The following PCDH7 variants were observed in gnomAD, a reference collection of about 807,000 sequenced individuals.
The protein encoded by PCDH7 is protocadherin-7.
PCDH7 carries 17 observed loss-of-function variants against 58.9 expected under a neutral mutation model. That is an observed-to-expected ratio of 0.29 (90% CI 0.20 to 0.43). PCDH7 has a LOEUF of 0.43. Ranked by LOEUF, PCDH7 falls within the 20% of genes least tolerant of loss-of-function variation. The probability of loss-of-function intolerance (pLI) is 1.00; values close to 1 mark genes in which losing one functional copy is unlikely to be tolerated. For synonymous variants in PCDH7, 664 were observed against 616.4 expected (o/e 1.08, Z -1.14); for missense variants, 1,274 against 1,441.0 (o/e 0.88, Z 1.88).
At chr4:30,731,238 A>C in exon 2 of PCDH7, 1 of 687,198 alleles carries the variant, frequency 1.5e-6, no homozygotes, top group Non-Finnish European at 1.8e-6. Context: ...CCATGTAATC[A>C]CAGGCCTGTC....
exon 2 of PCDH7, chr4:30,732,602 A>G (rs921804333): frequency 5.3e-5 from 8 of 152,174 alleles, no homozygotes; most frequent in African/African-American, 1.7e-4. Context: ...TACATCACCC[A>G]TAGTAAGAGT....
At chr4:31,052,286 T>A (rs760388852) in intron 3 of PCDH7, among the ~76,000 whole-genome samples, 9 of 152,128 alleles carry the variant, frequency 5.9e-5, no homozygotes, top group Non-Finnish European at 1.3e-4. Context: ...TGATACAGAA[T>A]TCTGTCCAGT....
intron 3 of PCDH7, among the ~76,000 whole-genome samples, chr4:30,988,165 C>A (rs556041635): frequency 1.3e-5 from 2 of 152,192 alleles, no homozygotes; most frequent in Admixed American, 1.3e-4. Context: ...AATATGAAAA[C>A]GTTAGACATC....
At chr4:30,825,199 C>T (rs894836245) in intron 1 of PCDH7, among the ~76,000 whole-genome samples, 25 of 152,082 alleles carry the variant, frequency 1.6e-4, no homozygotes, top group Admixed American at 1.6e-3. Flanking sequence ...AGTGCTTTGA[C>T]ATTGTTGAGT....
Position 30,722,207 on chromosome 4 carries a change from T to C in PCDH7, c.785T>C (p.Val262Ala). The C allele has an allele frequency of 1.3e-6, 2 of 1,585,202 alleles. No homozygotes were observed. Among genetic ancestry groups the C allele is most frequent in the Non-Finnish European group, 8.6e-7 (1 of 1,166,330 alleles). Reference sequence around the variant, plus strand: ...GGCGAGAAGCAGCCGCAGCTGATCGTGAAGGGGGCGCTGGACCGCGAGCAG... The same window carrying C: ...GGCGAGAAGCAGCCGCAGCTGATCGCGAAGGGGGCGCTGGACCGCGAGCAG... The change falls in exon 1 of 2, where the codon GTG becomes GCG. Residue 262 changes from valine (V) to alanine (A), a missense_variant. Physicochemically the swap from Val to Ala is moderately conservative, Grantham distance 64. Around this residue, in one of 3 missense-constraint regions of PCDH7, gnomAD observed 331 missense variants for 303.2 expected, o/e 1.09. Coordinates refer to ENST00000361762, the Ensembl canonical transcript of PCDH7. This position sits in a 1 kb window ranked among gnomAD's most constrained non-coding sequence, Gnocchi z 7.6.
intron 1 of PCDH7, among the ~76,000 whole-genome samples, chr4:30,892,418 A>G (rs1262435009): frequency 6.6e-6 from 1 of 152,050 alleles, no homozygotes; most frequent in Non-Finnish European, 1.5e-5. Context: ...AAAAGGAAGA[A>G]AGTTCAGAAG....
At chr4:30,991,081 C>T (rs1328895005) in intron 3 of PCDH7, among the ~76,000 whole-genome samples, 1 of 152,102 alleles carries the variant, frequency 6.6e-6, no homozygotes, top group African/African-American at 2.4e-5. Context: ...TCACGATACA[C>T]CGGGTTCTTT....
chr4:30,771,609 TA>T (rs1721409902), intron 1 of PCDH7, among the ~76,000 whole-genome samples: 2 of 152,318 alleles, frequency 1.3e-5, no homozygotes, highest in African/African-American at 4.8e-5. Flanking sequence ...ATGTGATTTT[TA>T]AATTTTGTTT....
At chr4:30,807,480 A>G (rs977778096) in intron 1 of PCDH7, among the ~76,000 whole-genome samples, 1 of 152,178 alleles carries the variant, frequency 6.6e-6, no homozygotes, top group Non-Finnish European at 1.5e-5. Context: ...TTACGGTGAC[A>G]GCAGTACGGA....
Position 30,958,520 on chromosome 4 carries a change from C to T in PCDH7, c.*7+8305C>T, listed in dbSNP as rs546673670. Among the ~76,000 whole-genome samples the T allele has an allele frequency of 2.7e-3, 407 of 151,830 alleles. 2 individuals carry two copies. Among genetic ancestry groups the T allele is most frequent in the African/African-American group, 9.3e-3 (384 of 41,468 alleles). On this transcript the variant is annotated intron_variant, in intron 3 of 3. Coordinates refer to the PCDH7 transcript ENST00000509759. ...ACATTAGAAAATAAAATATATTTCA[C>T]CTAATAAAACTCTTAACAATCCACT...
chr4:30,993,877 A>T (rs1005771434), intron 3 of PCDH7, among the ~76,000 whole-genome samples: 3 of 152,110 alleles, frequency 2.0e-5, no homozygotes, highest in Non-Finnish European at 4.4e-5. Flanking sequence ...TAGAAGAGAG[A>T]GTGTGTCTGT....
chr4:30,968,403 TATATATATATATGG>T (rs1458694756), intron 3 of PCDH7, among the ~76,000 whole-genome samples: 1,715 of 54,418 alleles, frequency 0.032, 89 homozygotes, highest in East Asian at 0.11. Flanking sequence ...TATATATATA[TATATATATATATGG>T]GATATTATGT....
chr4:31,090,838 C>T (rs1214287993), intron 3 of PCDH7, among the ~76,000 whole-genome samples: 1 of 151,916 alleles, frequency 6.6e-6, no homozygotes, highest in Non-Finnish European at 1.5e-5. Flanking sequence ...AATAGTTTAA[C>T]TCCATGTCTC....
intron 3 of PCDH7, among the ~76,000 whole-genome samples, chr4:31,041,178 C>T (rs899947423): frequency 1.3e-5 from 2 of 152,150 alleles, no homozygotes; most frequent in South Asian, 2.1e-4. Context: ...TCTACCAATA[C>T]GTCTTCCTGA....
downstream of PCDH7, chr4:31,143,298 A>T (rs1720467054): frequency 6.4e-6 from 1 of 155,490 alleles, no homozygotes; most frequent in South Asian, 1.9e-4. Context: ...AGCAGGACAG[A>T]TAAAATGTAT....
chr4:30,765,090 G>T (rs1413446695), intron 1 of PCDH7, among the ~76,000 whole-genome samples: 1 of 137,888 alleles, frequency 7.3e-6, no homozygotes, highest in Non-Finnish European at 1.5e-5. Flanking sequence ...AATTAACAAG[G>T]TTACTTAAGG....
At position 30,931,621 on chromosome 4, in the gene PCDH7, A is replaced by G. The variant is rs540637177; in HGVS notation, c.287+11252A>G. Among the ~76,000 whole-genome samples, 6 of 151,814 alleles carry G rather than the reference A, an allele frequency of 4.0e-5. No individual in the cohort carries two copies. In the South Asian group the frequency reaches 1.0e-3, roughly 26 times the overall value. On this transcript the variant is annotated intron_variant, in intron 2 of 3. Transcript: ENST00000509759. ...TATATATGTAGTAAGTAAGGGCCCA[A>G]TGTTGCTGATACAGATTTAACAGAA...
intron 1 of PCDH7, among the ~76,000 whole-genome samples, chr4:30,752,078 C>G (rs1032412135): frequency 6.6e-6 from 1 of 152,058 alleles, no homozygotes; most frequent in Non-Finnish European, 1.5e-5. Flanking sequence ...TCCTATCTTT[C>G]CACTCTTCCA....
chr4:30,770,351 A>G (rs1212891383), intron 1 of PCDH7, among the ~76,000 whole-genome samples: 1 of 152,168 alleles, frequency 6.6e-6, no homozygotes, highest in African/African-American at 2.4e-5. Context: ...ATTTTGGCAG[A>G]TTTCCTTAGT....
Sources: allele counts gnomAD v4.1 joint callset (sites outside exome capture counted in the v4.1 genomes callset), GRCh38; gene constraint gnomAD v4.1.1; regional missense constraint gnomAD v4.1.1; non-coding constraint Gnocchi (gnomAD v3.1); transcripts MANE v1.5; gene names NCBI Gene and HGNC (gene_info 2026-07-23, HGNC 2026-07-21).